GRID2: variants seen among roughly 807,000 people sequenced by gnomAD.
GRID2 encodes glutamate receptor ionotropic, delta-2.
A neutral mutation model predicts 114.8 loss-of-function variants in GRID2; 33 were observed. The ratio of observed to expected loss-of-function variants is 0.29; its 90% confidence interval spans 0.22 to 0.38. The LOEUF is 0.38. Ranked by LOEUF, GRID2 falls within the 10% of genes least tolerant of loss-of-function variation. The pLI, the probability that GRID2 is intolerant of heterozygous loss-of-function variation, is 1.00. For missense variants in GRID2, 1,184 were observed against 1,257.7 expected, an observed-to-expected ratio of 0.94 and a Z score of 0.89; for synonymous variants, 505 against 449.9, an observed-to-expected ratio of 1.12 and a Z score of -1.55.
At chr4:93,787,970 AT>A (rs1734625209) in intron 1 of GRID2, among the ~76,000 whole-genome samples, 5 of 152,164 alleles carry the variant, frequency 3.3e-5, no homozygotes, top group Admixed American at 3.3e-4. Flanking sequence ...AAACATCATA[AT>A]TGAGATGAAG....
At chr4:93,485,047 C>A (rs969949750) in intron 11 of GRID2, among the ~76,000 whole-genome samples, 3 of 151,856 alleles carry the variant, frequency 2.0e-5, no homozygotes, top group Admixed American at 2.0e-4. Context: ...CAACAGGGTA[C>A]AAGCATTCTG....
At chr4:93,125,960 T>A (rs941007735) in intron 4 of GRID2, among the ~76,000 whole-genome samples, 1 of 152,178 alleles carries the variant, frequency 6.6e-6, no homozygotes, top group Non-Finnish European at 1.5e-5. Flanking sequence ...TACAGAGTTT[T>A]AAAAATATTT....
chr4:92,645,220 A>G (rs1300679184), intron 2 of GRID2, among the ~76,000 whole-genome samples: 1 of 151,412 alleles, frequency 6.6e-6, no homozygotes, highest in Non-Finnish European at 1.5e-5. Context: ...GATAGGCTTA[A>G]TTCCATGTGT....
chr4:93,702,021 T>C (rs1727554912), intron 14 of GRID2, among the ~76,000 whole-genome samples: 1 of 152,116 alleles, frequency 6.6e-6, no homozygotes, highest in Non-Finnish European at 1.5e-5. Flanking sequence ...TAACTAACTT[T>C]ATTACAGTAT....
intron 3 of GRID2, among the ~76,000 whole-genome samples, chr4:93,085,778 T>G (rs986523477): frequency 6.6e-5 from 10 of 152,140 alleles, no homozygotes; most frequent in Non-Finnish European, 1.3e-4. Context: ...TTGGAGTCAC[T>G]AAAATTATAT....
chr4:92,940,015 G>C (rs1451129676), intron 2 of GRID2, among the ~76,000 whole-genome samples: 1 of 147,112 alleles, frequency 6.8e-6, no homozygotes, highest in Non-Finnish European at 1.5e-5. Context: ...CTCTAGCTTT[G>C]TTCTTTTGGC....
chr4:93,051,581 G>A (rs1726721244), intron 2 of GRID2, among the ~76,000 whole-genome samples: 1 of 152,000 alleles, frequency 6.6e-6, no homozygotes, highest in Admixed American at 6.6e-5. Flanking sequence ...TCGGTAACTT[G>A]TCTGAGATCG....
chr4:93,615,352 T>A (rs1325832337), intron 13 of GRID2, among the ~76,000 whole-genome samples: 1 of 152,190 alleles, frequency 6.6e-6, no homozygotes, highest in East Asian at 1.9e-4. Context: ...ATAAGTGAAA[T>A]CTCTCTTAGG....
chr4:92,540,368 A>G (rs1257709314), intron 1 of GRID2, among the ~76,000 whole-genome samples: 2 of 152,054 alleles, frequency 1.3e-5, no homozygotes, highest in Admixed American at 1.3e-4. Flanking sequence ...CAACCTACAG[A>G]TTGGGAGAAA....
intron 1 of GRID2, among the ~76,000 whole-genome samples, chr4:93,793,978 G>A (rs561678555): frequency 6.6e-6 from 1 of 151,790 alleles, no homozygotes; most frequent in Non-Finnish European, 1.5e-5. Flanking sequence ...AAACTAATGT[G>A]GAATTGTCTT....
At chr4:93,300,644 A>T (rs993436061) in intron 8 of GRID2, among the ~76,000 whole-genome samples, 2 of 152,122 alleles carry the variant, frequency 1.3e-5, no homozygotes, top group African/African-American at 4.8e-5. Context: ...CACTTTGTGG[A>T]CTATTGGCCC....
intron 1 of GRID2, among the ~76,000 whole-genome samples, chr4:92,482,963 T>C (rs545178145): frequency 1.3e-5 from 2 of 152,274 alleles, no homozygotes; most frequent in East Asian, 3.9e-4. Flanking sequence ...CAACATAGGA[T>C]TGTATCCATA....
chr4:93,004,681 C>T (rs757579242), intron 2 of GRID2, among the ~76,000 whole-genome samples: 1 of 152,014 alleles, frequency 6.6e-6, no homozygotes, highest in Non-Finnish European at 1.5e-5. Context: ...CCCCTCAGAG[C>T]AGAACTCCTA....
chr4:93,359,486 TATTC>T (rs998771677), intron 8 of GRID2, among the ~76,000 whole-genome samples: 1 of 151,676 alleles, frequency 6.6e-6, no homozygotes, highest in Non-Finnish European at 1.5e-5. Flanking sequence ...TTATTGATTA[TATTC>T]ACCCTGTTGT....
chr4:92,792,433 A>G (rs1004513417), intron 2 of GRID2, among the ~76,000 whole-genome samples: 12 of 149,326 alleles, frequency 8.0e-5, no homozygotes, highest in Admixed American at 2.0e-4. Context: ...AAACCAGGAA[A>G]TGATTTTATT....
rs72668716 is a variant in GRID2, at chr4:93,422,881, C to T, written c.1458C>T (p.Tyr486=). The change falls in exon 10 of 16, where the codon TAC becomes TAT. Residue 486 remains tyrosine, a synonymous_variant. Transcript: ENST00000282020. Reference sequence around the variant, plus strand: ...TATCTAACTACCTGGGTTTTAACTACGAAATTTACGTAGCACCGGATCACA... The same window carrying T: ...TATCTAACTACCTGGGTTTTAACTATGAAATTTACGTAGCACCGGATCACA... The part of the protein sequence containing the change: ...DALSNYLGFN[Y]EIYVAPDHKY... 0.016 allele frequency: 25,780 copies of T among 1,613,046 alleles called. 397 individuals carry two copies. The highest frequency in any genetic ancestry group is 0.062 in the South Asian group (5,634 of 91,000).
chr4:92,440,578 C>G (rs1267001029), intron 1 of GRID2, among the ~76,000 whole-genome samples: 1 of 151,926 alleles, frequency 6.6e-6, no homozygotes, highest in Non-Finnish European at 1.5e-5. Flanking sequence ...GCAGATGGAA[C>G]ACTGAGAAGT....
At chr4:92,360,225 C>A (rs557735926) in intron 1 of GRID2, among the ~76,000 whole-genome samples, 1 of 151,918 alleles carries the variant, frequency 6.6e-6, no homozygotes, top group Non-Finnish European at 1.5e-5. Flanking sequence ...TCAAGCTTCT[C>A]TTTTTAATCT....
At chr4:93,344,252 A>G (rs1759959072) in intron 8 of GRID2, among the ~76,000 whole-genome samples, 1 of 152,064 alleles carries the variant, frequency 6.6e-6, no homozygotes, top group African/African-American at 2.4e-5. Context: ...TTATATACCT[A>G]ATTTTGCTGC....
Sources: allele counts gnomAD v4.1 joint callset (sites outside exome capture counted in the v4.1 genomes callset), GRCh38; gene constraint gnomAD v4.1.1; transcripts MANE v1.5; gene names NCBI Gene and HGNC (gene_info 2026-07-23, HGNC 2026-07-21).